The following KCNMA1 variants were observed in gnomAD, a reference collection of about 807,000 sequenced individuals.
KCNMA1 encodes the protein Calcium-activated potassium channel subunit alpha-1.
A neutral mutation model predicts 140.0 loss-of-function variants in KCNMA1; 29 were observed. The ratio of observed to expected loss-of-function variants is 0.21; its 90% CI spans 0.15 to 0.28. The LOEUF (loss-of-function observed/expected upper bound fraction) is 0.28. Ranked by LOEUF, KCNMA1 falls within the 10% of genes least tolerant of loss-of-function variation. The pLI is 1.00. For synonymous variants in KCNMA1, 612 were observed against 611.9 expected (o/e 1.00, Z 0.00); for missense variants, 880 against 1,602.2 (o/e 0.55, Z 7.70).
intron 2 of KCNMA1, among the ~76,000 whole-genome samples, chr10:77,258,307 C>T (rs1464693374): frequency 1.3e-5 from 2 of 152,182 alleles, no homozygotes; most frequent in Non-Finnish European, 2.9e-5. Flanking sequence ...AGAATAAACT[C>T]CATAGACACT....
rs2073247828 is a variant in KCNMA1, at chr10:77,574,452, C to T, written c.378+62813G>A. ...CTCTGAATCTTTTTAACACAAACAT[C>T]CTGTGGATTGTTTTTTCTGGTGTTA... On this transcript the variant is annotated intron_variant, in intron 1 of 27. Coordinates refer to ENST00000286628, the MANE Select transcript of KCNMA1 (RefSeq NM_001161352.2). 6.6e-5 allele frequency among the ~76,000 whole-genome samples: 10 copies of T among 152,220 alleles called. No individual in the cohort carries two copies. In the South Asian group the frequency reaches 2.1e-3, roughly 32 times the overall value.
intron 1 of KCNMA1, among the ~76,000 whole-genome samples, chr10:77,522,178 A>AAAATAAATAAATAAATAAAT (rs57838652): frequency 0.06 from 8,533 of 142,698 alleles, 318 homozygotes; most frequent in Admixed American, 0.1. Flanking sequence ...ACTCCATCTC[A>AAAATAAATAAATAAATAAAT]AAATAAATAA....
At chr10:77,552,769 C>G (rs2063169145) in intron 1 of KCNMA1, among the ~76,000 whole-genome samples, 6 of 152,228 alleles carry the variant, frequency 3.9e-5, no homozygotes, top group Admixed American at 3.9e-4. Flanking sequence ...AAAAGGTTAG[C>G]CAGGCGCAGT....
intron 18 of KCNMA1, chr10:77,008,253 A>C: frequency 1.3e-6 from 2 of 1,487,540 alleles, no homozygotes; most frequent in Non-Finnish European, 1.8e-6. Flanking sequence ...AAGAGAAAAA[A>C]AATAAATCAA....
chr10:77,188,293 A>T (rs1285116209), intron 3 of KCNMA1, among the ~76,000 whole-genome samples: 1 of 151,954 alleles, frequency 6.6e-6, no homozygotes, highest in African/African-American at 2.4e-5. Flanking sequence ...AAAAAAAAAA[A>T]GTGGAGTTTT....
Position 77,637,797 on chromosome 10 carries a change from G to A in KCNMA1, c.-155C>T. The stretch of plus-strand genomic sequence containing the variant: ...GGGGGGCGGGGAGGCGCCTGGGCTC[G>A]GGGCGCTGTGCGCGACCTGGCGGGG... On this transcript the variant is annotated 5_prime_UTR_variant, in exon 1 of 28. Coordinates refer to ENST00000286628, the MANE Select transcript of KCNMA1 (RefSeq NM_001161352.2). 3 of 1,242,974 alleles carry A rather than the reference G, an allele frequency of 2.4e-6. No homozygotes were observed. The highest frequency in any genetic ancestry group is 3.0e-6 in the Non-Finnish European group (3 of 991,940). 77.0% of individuals were successfully genotyped at this position (1,242,974 alleles called of 1,614,324 possible).
chr10:77,568,728 T>C (rs1413501294), intron 1 of KCNMA1, among the ~76,000 whole-genome samples: 4 of 149,630 alleles, frequency 2.7e-5, no homozygotes, highest in African/African-American at 9.9e-5. Flanking sequence ...TTGGAAGTTC[T>C]GGCCAGGGCA....
intron 14 of KCNMA1, among the ~76,000 whole-genome samples, chr10:77,060,117 T>C (rs886737829): frequency 4.6e-5 from 7 of 152,180 alleles, no homozygotes; most frequent in Non-Finnish European, 1.0e-4. Context: ...TACGACATAG[T>C]AAAGATGTCA....
chr10:76,898,056 T>C (rs1156955974), intron 25 of KCNMA1, among the ~76,000 whole-genome samples: 3 of 151,830 alleles, frequency 2.0e-5, no homozygotes, highest in Non-Finnish European at 4.4e-5. Flanking sequence ...CATATAATTA[T>C]GATAGAAGCA....
chr10:77,439,527 T>C (rs894003713), intron 1 of KCNMA1, among the ~76,000 whole-genome samples: 1 of 152,164 alleles, frequency 6.6e-6, no homozygotes, highest in Non-Finnish European at 1.5e-5. Flanking sequence ...CAACCAGCTC[T>C]GATTTCTCCC....
At chr10:77,024,224 T>A (rs1334080778) in intron 16 of KCNMA1, among the ~76,000 whole-genome samples, 1 of 152,094 alleles carries the variant, frequency 6.6e-6, no homozygotes, top group Non-Finnish European at 1.5e-5. Context: ...ACAGCAGAGG[T>A]GCAACCACTG....
intron 2 of KCNMA1, among the ~76,000 whole-genome samples, chr10:77,283,379 C>A (rs1287846152): frequency 1.3e-5 from 2 of 152,314 alleles, no homozygotes; most frequent in Non-Finnish European, 2.9e-5. Flanking sequence ...GATCAGTCAG[C>A]CCATTGCAGC....
intron 23 of KCNMA1, among the ~76,000 whole-genome samples, chr10:76,917,983 G>T (rs985449793): frequency 1.3e-5 from 2 of 152,140 alleles, no homozygotes; most frequent in African/African-American, 4.8e-5. Flanking sequence ...GCCATAGGAT[G>T]GTGTCCACCG....
chr10:77,403,004 C>T (rs978923034), intron 2 of KCNMA1, among the ~76,000 whole-genome samples: 4 of 152,166 alleles, frequency 2.6e-5, no homozygotes, highest in African/African-American at 4.8e-5. Context: ...CTGGCTATGG[C>T]GACCAATTCA....
intron 21 of KCNMA1, among the ~76,000 whole-genome samples, chr10:76,952,691 T>A (rs908029605): frequency 6.6e-6 from 1 of 152,212 alleles, no homozygotes; most frequent in African/African-American, 2.4e-5. Context: ...CTGTATTGGC[T>A]GTTAATGCTC....
chr10:76,961,323 G>C (rs1033824960), intron 20 of KCNMA1, among the ~76,000 whole-genome samples: 1 of 152,014 alleles, frequency 6.6e-6, no homozygotes, highest in Non-Finnish European at 1.5e-5. Context: ...ATTAGAAGTG[G>C]AGCCTGAACA....
intron 19 of KCNMA1, among the ~76,000 whole-genome samples, chr10:76,983,725 TAAA>T (rs563879219): frequency 2.2e-5 from 3 of 136,878 alleles, no homozygotes; most frequent in Admixed American, 7.4e-5. Context: ...AGACACTGTT[TAAA>T]AAAAAAAAAA....
chr10:77,471,071 C>T (rs1023280558), intron 1 of KCNMA1, among the ~76,000 whole-genome samples: 4 of 151,466 alleles, frequency 2.6e-5, no homozygotes, highest in African/African-American at 9.7e-5. Context: ...ACTCATACTA[C>T]ACACACAACA....
chr10:77,516,795 G>A (rs34717545), intron 1 of KCNMA1, among the ~76,000 whole-genome samples: 9 of 152,164 alleles, frequency 5.9e-5, no homozygotes, highest in Non-Finnish European at 7.4e-5. Flanking sequence ...CTAAAACGGG[G>A]GTGCCTGTGT....
Sources: allele counts gnomAD v4.1 joint callset (sites outside exome capture counted in the v4.1 genomes callset), GRCh38; gene constraint gnomAD v4.1.1; transcripts MANE v1.5; gene names NCBI Gene and HGNC (gene_info 2026-07-23, HGNC 2026-07-21).